TBC1D31: variants seen among roughly 807,000 people sequenced by gnomAD.
TBC1D31 encodes TBC1 domain family member 31, also known as WD repeat domain 67.
TBC1D31 carries 99 observed loss-of-function variants against 132.9 expected under a neutral mutation model. The observed-to-expected ratio is 0.74, with a 90% CI of 0.63 to 0.88. The LOEUF (loss-of-function observed/expected upper bound fraction) is 0.88, where lower values mean the gene tolerates loss of function less well. TBC1D31 is among the 40% of genes least tolerant of loss of function. TBC1D31 has a pLI of 0.00. For synonymous variants in TBC1D31, 385 were observed against 419.4 expected, an observed-to-expected ratio of 0.92 and a Z score of 1.00; for missense variants, 1,134 against 1,256.6, an observed-to-expected ratio of 0.90 and a Z score of 1.48.
chr8:123,094,507 C>CTTTATTTATTTA (rs368810398), intron 5 of TBC1D31, among the ~76,000 whole-genome samples: 28 of 148,308 alleles, frequency 1.9e-4, no homozygotes, highest in African/African-American at 5.7e-4. Context: ...TATTATCACA[C>CTTTATTTATTTA]TTTATTTATT....
intron 2 of TBC1D31, among the ~76,000 whole-genome samples, chr8:123,080,744 C>G (rs958373658): frequency 3.3e-5 from 5 of 151,982 alleles, no homozygotes; most frequent in African/African-American, 1.2e-4. Context: ...ACCATGTTGG[C>G]CAGGATGGTC....
chr8:123,146,674 T>C (rs1279862031), intron 20 of TBC1D31, among the ~76,000 whole-genome samples: 1 of 152,206 alleles, frequency 6.6e-6, no homozygotes, highest in Non-Finnish European at 1.5e-5. Flanking sequence ...GTTAGGTCAT[T>C]TAATTATGCC....
chr8:123,107,780 A>C (rs754368952), intron 8 of TBC1D31, among the ~76,000 whole-genome samples: 1 of 152,244 alleles, frequency 6.6e-6, no homozygotes, highest in Non-Finnish European at 1.5e-5. Context: ...AACCATAGCC[A>C]GTTCTAAAAA....
rs1815348245 is a variant in TBC1D31, at chr8:123,083,155, CAAAAG to C, written c.340+339_340+343del. ...CATGGGGTGGAATTTGGGAGGCTTC[CAAAAG>C]GGAAGCCTCCATTGTCCTCAGGGAT... On this transcript the variant is annotated intron_variant, in intron 3 of 21. Transcript: ENST00000287380. 3 of 180,190 alleles carry C rather than the reference CAAAAG, an allele frequency of 1.7e-5. No individual in the cohort carries two copies. The Admixed American group carries it at 1.8e-4, about 11-fold the overall frequency. 11.2% of individuals were successfully genotyped at this position (180,190 alleles called of 1,614,324 possible).
intron 4 of TBC1D31, among the ~76,000 whole-genome samples, chr8:123,087,953 CG>C (rs1329836777): frequency 6.6e-6 from 1 of 151,846 alleles, no homozygotes. Context: ...GAGTCCCAGG[CG>C]GGGGGATCAC....
Position 123,100,896 on chromosome 8 carries a change from A to G in TBC1D31, c.921A>G (p.Glu307=). ...TCTTTGAGATTGGGAGCCTCGATGA[A>G]GGAATTAGCTCATCAGCAATTAGCC... ...KLLFEIGSLD[E]GISSSAISPH... Residue 307 remains glutamate, a synonymous_variant, in exon 7 of 22, where the codon GAA becomes GAG. Transcript: ENST00000287380. 1.9e-6 allele frequency: 3 copies of G among 1,613,974 alleles called. No individual in the cohort carries two copies. Among genetic ancestry groups the G allele is most frequent in the Non-Finnish European group, 2.5e-6 (3 of 1,179,874 alleles).
chr8:123,084,945 A>G (rs1223315107), intron 4 of TBC1D31, among the ~76,000 whole-genome samples: 1 of 152,090 alleles, frequency 6.6e-6, no homozygotes, highest in African/African-American at 2.4e-5. Context: ...ATGTACCACC[A>G]TGCCCAGCTA....
chr8:123,076,241 CAG>C (rs1378191551), intron 1 of TBC1D31, among the ~76,000 whole-genome samples: 1 of 152,132 alleles, frequency 6.6e-6, no homozygotes, highest in African/African-American at 2.4e-5. Context: ...ACTGGGATCA[CAG>C]GCACATGCAC....
chr8:123,104,554 C>A (rs1817740871), intron 7 of TBC1D31, among the ~76,000 whole-genome samples: 1 of 152,066 alleles, frequency 6.6e-6, no homozygotes, highest in Non-Finnish European at 1.5e-5. Flanking sequence ...ACTTAGAAAG[C>A]CTGAGTTACC....
chr8:123,162,300 GTA>G, the TBC1D31 span, among the ~76,000 whole-genome samples: 1 of 152,146 alleles, frequency 6.6e-6, no homozygotes, highest in Non-Finnish European at 1.5e-5. Context: ...AGTGGAAAGT[GTA>G]TCTGTGTGTG....
the TBC1D31 span, among the ~76,000 whole-genome samples, chr8:123,163,436 C>T: frequency 1.4e-5 from 2 of 144,534 alleles, no homozygotes; most frequent in Non-Finnish European, 3.0e-5. Flanking sequence ...GTGATCACAG[C>T]TCACTGCAAC....
At chr8:123,097,775 T>G (rs1586605437) in intron 6 of TBC1D31, 1 of 171,354 alleles carries the variant, frequency 5.8e-6, no homozygotes, top group African/African-American at 2.4e-5. Flanking sequence ...TTACAGATTA[T>G]AACACTAACG....
At chr8:123,134,084 T>C (rs1424228742) in intron 16 of TBC1D31, 30 bp from the exon 17 acceptor site, 5 of 1,497,034 alleles carry the variant, frequency 3.3e-6, no homozygotes, top group Non-Finnish European at 4.6e-6. Context: ...AAATTCTTTT[T>C]GGTATTTACA....
chr8:123,101,564 G>A (rs757860025), intron 7 of TBC1D31, among the ~76,000 whole-genome samples: 5 of 152,004 alleles, frequency 3.3e-5, no homozygotes, highest in East Asian at 1.9e-4. Flanking sequence ...ACAGGCGCAC[G>A]CCACCATGCC....
chr8:123,073,230 T>G (rs1403386212), intron 1 of TBC1D31: 1 of 470,054 alleles, frequency 2.1e-6, no homozygotes, highest in Non-Finnish European at 4.2e-6. Context: ...CAGGAGGAGA[T>G]GCGGGGTGGA....
intron 1 of TBC1D31, chr8:123,073,565 T>A: frequency 2.8e-6 from 1 of 359,210 alleles, no homozygotes; most frequent in Non-Finnish European, 5.5e-6. Flanking sequence ...AAGCCTTTGC[T>A]ACAAAGCGGT....
chr8:123,105,559 TAAAG>T, intron 8 of TBC1D31, 95 bp downstream of exon 8: 1 of 1,050,454 alleles, frequency 9.5e-7, no homozygotes, highest in Non-Finnish European at 1.3e-6. Context: ...TCTTGGGAAT[TAAAG>T]AAAGAGAATA....
At position 123,134,102 on chromosome 8, in the gene TBC1D31, G is replaced by C; in HGVS notation, c.2407-12G>C. 1 of 1,590,510 alleles carries C rather than the reference G, an allele frequency of 6.3e-7. No homozygotes were observed. The highest frequency in any genetic ancestry group is 8.6e-7 in the Non-Finnish European group (1 of 1,167,038). On this transcript the variant is annotated splice_polypyrimidine_tract_variant and intron_variant, in intron 16 of 21. Coordinates refer to ENST00000287380, the MANE Select transcript of TBC1D31 (RefSeq NM_145647.4). The stretch of plus-strand genomic sequence containing the variant: ...TTCTTTTTGGTATTTACAGTTTGTT[G>C]TTTGGCCATAGGTATATATGAGAGA...
At chr8:123,098,462 C>T (rs1188574323) in intron 6 of TBC1D31, among the ~76,000 whole-genome samples, 1 of 152,112 alleles carries the variant, frequency 6.6e-6, no homozygotes, top group Non-Finnish European at 1.5e-5. Context: ...CCACCATGCC[C>T]AGCTAATTTT....
Sources: allele counts gnomAD v4.1 joint callset (sites outside exome capture counted in the v4.1 genomes callset), GRCh38; gene constraint gnomAD v4.1.1; transcripts MANE v1.5; gene names NCBI Gene and HGNC (gene_info 2026-07-23, HGNC 2026-07-21).